The following CSMD1 variants were observed in gnomAD, a reference collection of about 807,000 sequenced individuals.
CSMD1 encodes the protein CUB and Sushi multiple domains 1, also known as CUB and sushi domain-containing protein 1.
Under a neutral mutation model 417.5 loss-of-function variants are expected in CSMD1, and 213 were observed. The observed-to-expected ratio is 0.51, with a 90% CI of 0.46 to 0.57. The LOEUF is 0.57. Among genes scored for constraint, CSMD1 ranks in the 20% least tolerant of loss-of-function variants. The probability of loss-of-function intolerance (pLI) is 0.00; values close to 1 mark genes in which losing one functional copy is unlikely to be tolerated. For missense variants in CSMD1, 6,923 were observed against 4,529.7 expected (o/e 1.53, Z -15.17); for synonymous variants, 2,862 against 1,736.8 (o/e 1.65, Z -16.11).
intron 3 of CSMD1, among the ~76,000 whole-genome samples, chr8:4,353,749 C>CT (rs1554442388): frequency 1.3e-5 from 2 of 152,010 alleles, no homozygotes; most frequent in South Asian, 2.1e-4. Flanking sequence ...ATGGAGATTT[C>CT]TTTTTTTGCC....
At chr8:3,937,727 G>T (rs1324840747) in intron 5 of CSMD1, among the ~76,000 whole-genome samples, 1 of 152,052 alleles carries the variant, frequency 6.6e-6, no homozygotes, top group Non-Finnish European at 1.5e-5. Context: ...TTCCACATTA[G>T]TACACCAGGT....
chr8:3,860,374 A>G (rs996540077), intron 5 of CSMD1, among the ~76,000 whole-genome samples: 1 of 152,186 alleles, frequency 6.6e-6, no homozygotes, highest in African/African-American at 2.4e-5. Context: ...ATTTTATGAT[A>G]TATTAAAAAA....
intron 33 of CSMD1, among the ~76,000 whole-genome samples, chr8:3,192,937 G>T (rs1401833086): frequency 6.7e-6 from 1 of 148,368 alleles, no homozygotes; most frequent in African/African-American, 2.5e-5. Flanking sequence ...ATGGCATGAA[G>T]AAAAAAAAAA....
chr8:4,550,329 GCACA>G (rs35196172), intron 2 of CSMD1, among the ~76,000 whole-genome samples: 2,690 of 139,560 alleles, frequency 0.019, 21 homozygotes, highest in Middle Eastern at 0.033. Flanking sequence ...ATACACACAC[GCACA>G]CACACACACA....
intron 1 of CSMD1, among the ~76,000 whole-genome samples, chr8:4,798,424 ATATTT>A (rs781054830): frequency 1.4e-4 from 21 of 152,158 alleles, no homozygotes; most frequent in Non-Finnish European, 2.9e-4. Flanking sequence ...TTTAAGGGAG[ATATTT>A]TATTTTTAAA....
At chr8:4,429,842 C>G (rs956438239) in intron 2 of CSMD1, among the ~76,000 whole-genome samples, 2 of 152,138 alleles carry the variant, frequency 1.3e-5, no homozygotes, top group African/African-American at 4.8e-5. Flanking sequence ...GGGAAGAAAT[C>G]CACGCCCATT....
intron 3 of CSMD1, among the ~76,000 whole-genome samples, chr8:4,257,264 G>T (rs73660713): frequency 0.095 from 14,401 of 152,056 alleles, 992 homozygotes; most frequent in East Asian, 0.35. Flanking sequence ...TATTATACCA[G>T]TCTTTCTGTA....
At chr8:3,463,974 A>C (rs748403530) in intron 12 of CSMD1, among the ~76,000 whole-genome samples, 1 of 152,194 alleles carries the variant, frequency 6.6e-6, no homozygotes, top group Non-Finnish European at 1.5e-5. Flanking sequence ...TCATCGGACG[A>C]AGGAGACAAT....
intron 5 of CSMD1, among the ~76,000 whole-genome samples, chr8:3,776,161 G>C (rs944994150): frequency 1.3e-5 from 2 of 152,006 alleles, no homozygotes; most frequent in African/African-American, 4.8e-5. Context: ...ACATCATACG[G>C]ATCCTACCTT....
In CSMD1 at chr8:2,973,268, C is replaced by T. The variant is rs765458735; in HGVS notation, c.8772G>A (p.Gly2924=). 4.3e-6 allele frequency: 7 copies of T among 1,613,848 alleles called. No individual in the cohort carries two copies. Among genetic ancestry groups the T allele is most frequent in the Non-Finnish European group, 5.9e-6 (7 of 1,179,808 alleles). The change falls in exon 57 of 70, where the codon GGG becomes GGA. Residue 2924 remains glycine, a synonymous_variant. Coordinates refer to ENST00000635120, the MANE Select transcript of CSMD1 (RefSeq NM_033225.6). ...CAAGCCGAGACCCATGTGCTGGGGT[C>T]CCCGGATCACCACAGAATCCAGGAT... ...GNNPGFCGDP[G]TPAHGSRLGD...
chr8:4,325,560 T>G (rs936745977), intron 3 of CSMD1, among the ~76,000 whole-genome samples: 1 of 152,164 alleles, frequency 6.6e-6, no homozygotes, highest in Non-Finnish European at 1.5e-5. Flanking sequence ...ATGCCTACCT[T>G]GTTAGCTTTT....
At chr8:4,577,185 C>G (rs892974398) in intron 2 of CSMD1, among the ~76,000 whole-genome samples, 13 of 152,056 alleles carry the variant, frequency 8.5e-5, no homozygotes, top group Admixed American at 7.9e-4. Context: ...TTTATTGAAG[C>G]GAGATTTTCT....
At chr8:3,654,677 T>C (rs532467093) in intron 7 of CSMD1, among the ~76,000 whole-genome samples, 1 of 152,206 alleles carries the variant, frequency 6.6e-6, no homozygotes, top group South Asian at 2.1e-4. Flanking sequence ...TAAGTAAGAC[T>C]GGCTGAGATT....
chr8:4,823,724 C>T (rs1799648567), intron 1 of CSMD1, among the ~76,000 whole-genome samples: 1 of 151,806 alleles, frequency 6.6e-6, no homozygotes, highest in Admixed American at 6.6e-5. Flanking sequence ...ACAGATACTA[C>T]AGAAGTGAAA....
chr8:3,207,651 C>T (rs188608539), intron 30 of CSMD1, among the ~76,000 whole-genome samples: 252 of 152,156 alleles, frequency 1.7e-3, no homozygotes, highest in Non-Finnish European at 2.9e-3. Context: ...GCATTACAAT[C>T]GCTTGAAAAA....
chr8:4,081,332 G>C (rs1800120660), intron 3 of CSMD1, among the ~76,000 whole-genome samples: 1 of 152,194 alleles, frequency 6.6e-6, no homozygotes, highest in Non-Finnish European at 1.5e-5. Flanking sequence ...GAATAGGTTT[G>C]ATAGGGTTAA....
intron 40 of CSMD1, among the ~76,000 whole-genome samples, chr8:3,145,698 A>G (rs186322964): frequency 3.7e-4 from 57 of 152,356 alleles, no homozygotes; most frequent in African/African-American, 1.3e-3. Flanking sequence ...AATTGCATCC[A>G]GTTTGACATT....
intron 1 of CSMD1, among the ~76,000 whole-genome samples, chr8:4,893,857 C>T (rs747754610): frequency 6.6e-6 from 1 of 151,996 alleles, no homozygotes; most frequent in African/African-American, 2.4e-5. Flanking sequence ...TTGTTCTTAC[C>T]CCTTTTTTCC....
chr8:4,218,093 T>G (rs1162767800), intron 3 of CSMD1, among the ~76,000 whole-genome samples: 1 of 152,168 alleles, frequency 6.6e-6, no homozygotes, highest in Non-Finnish European at 1.5e-5. Context: ...TTTTGAATTT[T>G]TGCAATCGGA....
Sources: gnomAD v4.1 joint callset for allele counts (sites outside exome capture counted in the v4.1 genomes callset) on GRCh38, gnomAD v4.1.1 for gene constraint, MANE v1.5 for transcripts, NCBI Gene and HGNC (gene_info 2026-07-23, HGNC 2026-07-21) for gene names.